PTH1R: variants seen among roughly 807,000 people sequenced by gnomAD.
The protein encoded by PTH1R is parathyroid hormone 1 receptor.
Under a neutral mutation model 70.7 loss-of-function variants are expected in PTH1R, and 32 were observed. That is an observed-to-expected ratio of 0.45 (90% CI 0.34 to 0.61). The LOEUF is 0.61. Ranked by LOEUF, PTH1R falls within the 20% of genes least tolerant of loss-of-function variation. PTH1R has a pLI of 0.01. For synonymous variants in PTH1R, 329 were observed against 324.8 expected (o/e 1.01, Z -0.14); for missense variants, 626 against 792.5 (o/e 0.79, Z 2.52).
intron 8 of PTH1R, 60 bp from the exon 9 acceptor site, chr3:46,898,602 C>T (rs1467479771): frequency 6.2e-7 from 1 of 1,605,414 alleles, no homozygotes; most frequent in Non-Finnish European, 8.5e-7. Flanking sequence ...AACCCAGCTT[C>T]CTGTCCACCC....
At chr3:46,898,534 G>A in intron 8 of PTH1R, 62 bp downstream of exon 8, 1 of 1,603,142 alleles carries the variant, frequency 6.2e-7, no homozygotes, top group Non-Finnish European at 8.5e-7. Flanking sequence ...GCCGAGGTCT[G>A]ATGCGACCCC....
chr3:46,890,526 GGA>G (rs2031352507), intron 3 of PTH1R, among the ~76,000 whole-genome samples: 1 of 123,290 alleles, frequency 8.1e-6, no homozygotes, highest in Admixed American at 8.7e-5. Context: ...TTTTTGAGAT[GGA>G]GTTTCGCTCT....
Position 46,898,704 on chromosome 3 carries a change from C to T in PTH1R, c.681C>T (p.Phe227=), listed in dbSNP as rs1185706386. The change falls in exon 9 of 16, where the codon TTC becomes TTT. Residue 227 remains phenylalanine (F), a synonymous_variant. Coordinates refer to ENST00000449590, the MANE Select transcript of PTH1R (RefSeq NM_000316.3). ...CTRNYIHMHL[F]LSFMLRAVSI... is the part of the protein sequence containing the mutation. ...GCAACTACATCCACATGCACCTGTT[C>T]CTGTCCTTCATGCTGCGCGCCGTGA... is the stretch of plus-strand genomic sequence containing the variant. 2.5e-6 allele frequency: 4 copies of T among 1,612,310 alleles called. No individual in the cohort carries two copies. The highest frequency in any genetic ancestry group is 1.3e-5 in the African/African-American group (1 of 75,050).
intron 3 of PTH1R, among the ~76,000 whole-genome samples, chr3:46,888,098 C>G (rs1436122699): frequency 2.0e-5 from 3 of 152,020 alleles, no homozygotes; most frequent in Admixed American, 6.6e-5. Flanking sequence ...GCCTCTCTGC[C>G]CACACCCACT....
In PTH1R at chr3:46,895,716, A is replaced by G. The variant is rs1204065191; in HGVS notation, c.179-19A>G. ...TGTAGCACAGCTGACAGCCATCATT[A>G]CCACCCTGGTTTCTCCAGCCAGCAT... On this transcript the variant is annotated intron_variant, in intron 4 of 15. Transcript: ENST00000449590. 6.2e-7 allele frequency: 1 copy of G among 1,614,054 alleles called. No homozygotes were observed. The highest frequency in any genetic ancestry group is 8.5e-7 in the Non-Finnish European group (1 of 1,179,986).
chr3:46,899,101 C>T (rs1291670319), intron 9 of PTH1R, among the ~76,000 whole-genome samples: 1 of 152,208 alleles, frequency 6.6e-6, no homozygotes, highest in East Asian at 1.9e-4. Context: ...AACCCAGTAC[C>T]CTCTAGCCAC....
chr3:46,884,555 C>T lies in PTH1R; in HGVS notation c.75+921C>T, dbSNP rs1446230719. ...CCCCTCAGTCCTATTCCACAGCAAC[C>T]CCATCCCCTGGGACGAGCCCGTTCC... On this transcript the variant is annotated intron_variant, in intron 3 of 15. Coordinates refer to ENST00000449590, the MANE Select transcript of PTH1R (RefSeq NM_000316.3). The surrounding 1 kb of genome is among the most constrained non-coding windows in gnomAD (Gnocchi z 4.8). 6.6e-6 allele frequency among the ~76,000 whole-genome samples: 1 copy of T among 152,208 alleles called. No homozygotes were observed. Among genetic ancestry groups the T allele is most frequent in the Non-Finnish European group, 1.5e-5 (1 of 68,028 alleles).
In PTH1R at chr3:46,898,478, C is replaced by T. The variant is rs766052625; in HGVS notation, c.638+6C>T. The T allele has an allele frequency of 1.1e-5, 18 of 1,592,948 alleles. No individual in the cohort carries two copies. The highest frequency in any genetic ancestry group is 1.3e-5 in the Non-Finnish European group (15 of 1,161,376). On this transcript the variant is annotated splice_donor_region_variant and intron_variant, in intron 8 of 15. Transcript: ENST00000449590. ...CTCATCCTGGCCTACTTTAGGTGGGCGGGGCGGGGCGAGAGGCGGCGGGAC... is the reference window on the plus strand; with the variant it reads ...CTCATCCTGGCCTACTTTAGGTGGGTGGGGCGGGGCGAGAGGCGGCGGGAC...
intron 3 of PTH1R, among the ~76,000 whole-genome samples, chr3:46,885,363 G>A (rs1310263220): frequency 6.6e-6 from 1 of 152,130 alleles, no homozygotes; most frequent in African/African-American, 2.4e-5. Context: ...TGCTTCTGTA[G>A]GGCTTTCTAC....
In PTH1R at chr3:46,901,900, G is replaced by A. The variant is rs1000163329; in HGVS notation, c.1211+40G>A. The A allele has an allele frequency of 4.6e-6, 7 of 1,529,920 alleles. No individual in the cohort carries two copies. The highest frequency in any genetic ancestry group is 1.7e-4 in the Middle Eastern group (1 of 5,894). 94.8% of individuals were successfully genotyped at this position (1,529,920 alleles called of 1,614,324 possible). On this transcript the variant is annotated intron_variant, in intron 13 of 15. Coordinates refer to ENST00000449590, the MANE Select transcript of PTH1R (RefSeq NM_000316.3). The surrounding 1 kb of genome is among the most constrained non-coding windows in gnomAD (Gnocchi z 7.3). ...CCTGCCATGCCCTGGCTCCTCAGGG[G>A]TCCCTGAGTCCTGGTACCATGTACC...
chr3:46,880,761 GAAGA>G (rs1411340502), intron 1 of PTH1R, among the ~76,000 whole-genome samples: 2 of 141,278 alleles, frequency 1.4e-5, no homozygotes, highest in Non-Finnish European at 3.0e-5. Context: ...GAAGAAAGAA[GAAGA>G]AAGTAGCAGC....
At chr3:46,890,608 T>C (rs549051505) in intron 3 of PTH1R, among the ~76,000 whole-genome samples, 1 of 151,310 alleles carries the variant, frequency 6.6e-6, no homozygotes, top group Admixed American at 6.6e-5. Context: ...GTTTGAGCGA[T>C]TCTGCTGCCT....
chr3:46,889,317 T>C (rs2031247260), intron 3 of PTH1R, among the ~76,000 whole-genome samples: 1 of 152,212 alleles, frequency 6.6e-6, no homozygotes, highest in Non-Finnish European at 1.5e-5. Context: ...CCTCTGCTCC[T>C]AAATCGGCTT....
At position 46,901,749 on chromosome 3, in the gene PTH1R, C is replaced by G. The variant is rs1191330684; in HGVS notation, c.1117-17C>G. 1 of 1,610,386 alleles carries G rather than the reference C, an allele frequency of 6.2e-7. No individual in the cohort carries two copies. The highest frequency in any genetic ancestry group is 8.5e-7 in the Non-Finnish European group (1 of 1,176,602). The stretch of plus-strand genomic sequence containing the variant: ...ACTAGGGTGCAGCCTCCAGACGCAG[C>G]CCCCTCACTCCCACAGCTCAACTTC... On this transcript the variant is annotated splice_polypyrimidine_tract_variant and intron_variant, in intron 12 of 15. Coordinates refer to ENST00000449590, the MANE Select transcript of PTH1R (RefSeq NM_000316.3). The surrounding 1 kb of genome is among the most constrained non-coding windows in gnomAD (Gnocchi z 7.3).
At position 46,883,451 on chromosome 3, in the gene PTH1R, A is replaced by T. The variant is rs1001332385; in HGVS notation, c.-48-61A>T. On this transcript the variant is annotated intron_variant, in intron 2 of 15. Transcript: ENST00000449590. The surrounding 1 kb of genome is among the most constrained non-coding windows in gnomAD (Gnocchi z 6.4). ...GGCCGCCGGGACGCCGGGGTCCCAT[A>T]GGCCGGGGCGTGGGCGGGGCGGCCA... The T allele has an allele frequency of 3.1e-6, 3 of 964,730 alleles. No homozygotes were observed. Among genetic ancestry groups the T allele is most frequent in the Non-Finnish European group, 4.0e-6 (3 of 749,256 alleles). The allele number at this position is 964,730 out of a possible 1,614,324, so 59.8% of individuals were successfully genotyped here.
chr3:46,901,133 C>T lies in PTH1R; in HGVS notation c.1049+48C>T. The T allele has an allele frequency of 6.5e-7, 1 of 1,548,126 alleles. No individual in the cohort carries two copies. Among genetic ancestry groups the T allele is most frequent in the Non-Finnish European group, 8.8e-7 (1 of 1,142,850 alleles). The stretch of plus-strand genomic sequence containing the variant: ...CCCAGGCAAGAAGCACCCCTGGGTC[C>T]CTTTTCTTCCAGGAAGCATGTGAGA... On this transcript the variant is annotated intron_variant, in intron 11 of 15. Coordinates refer to ENST00000449590, the MANE Select transcript of PTH1R (RefSeq NM_000316.3). The surrounding 1 kb of genome is among the most constrained non-coding windows in gnomAD (Gnocchi z 7.3).
intron 1 of PTH1R, among the ~76,000 whole-genome samples, 200 bp downstream of exon 1, chr3:46,878,043 C>G (rs1013676818): frequency 6.6e-6 from 1 of 152,240 alleles, no homozygotes; most frequent in East Asian, 1.9e-4. Flanking sequence ...ACAGAAAGCC[C>G]ATACCTCTAG....
chr3:46,891,815 C>T lies in PTH1R; in HGVS notation c.76-2092C>T, dbSNP rs2031428252. 6.6e-6 allele frequency among the ~76,000 whole-genome samples: 1 copy of T among 151,780 alleles called. No individual in the cohort carries two copies. Among genetic ancestry groups the T allele is most frequent in the Non-Finnish European group, 1.5e-5 (1 of 67,956 alleles). On this transcript the variant is annotated intron_variant, in intron 3 of 15. Transcript: ENST00000449590. This position sits in a 1 kb window ranked among gnomAD's most constrained non-coding sequence, Gnocchi z 4.3. ...GTGCTCATGGTGGTAACGGTGATGC[C>T]AGTGGTGGTGGTGGTAGTACTGGGA...
chr3:46,898,085 C>A lies in PTH1R; in HGVS notation c.436C>A (p.Arg146=), dbSNP rs143863124. ...YDFNHKGHAY[R]RCDRNGSWEL... is the part of the protein sequence containing the mutation. ...CCATGGACCTGCAGGCCATGCCTAC[C>A]GACGCTGTGACCGCAATGGCAGCTG... is the stretch of plus-strand genomic sequence containing the variant. The change falls in exon 7 of 16, where the codon CGA becomes AGA. Residue 146 remains arginine (R), a synonymous_variant. Transcript: ENST00000449590. The A allele has an allele frequency of 4.8e-3, 7,758 of 1,614,206 alleles. 32 individuals carry two copies. The highest frequency in any genetic ancestry group is 5.8e-3 in the Non-Finnish European group (6,813 of 1,180,034).
Sources: gnomAD v4.1 joint callset for allele counts (sites outside exome capture counted in the v4.1 genomes callset) on GRCh38, gnomAD v4.1.1 for gene constraint, Gnocchi (gnomAD v3.1) non-coding constraint, MANE v1.5 for transcripts, NCBI Gene and HGNC (gene_info 2026-07-23, HGNC 2026-07-21) for gene names.